Variants in CFAP92 observed in about 807,000 individuals in gnomAD.
CFAP92 encodes cilia and flagella associated protein 92 (putative), also known as uncharacterized protein CFAP92.
CFAP92 carries 86 observed loss-of-function variants against 106.3 expected under a neutral mutation model. The observed-to-expected ratio is 0.81, with a 90% confidence interval of 0.68 to 0.97. The LOEUF is 0.97. Among genes scored for constraint, CFAP92 ranks in the 50% least tolerant of loss-of-function variants. The pLI is 0.00. For synonymous variants in CFAP92, 477 were observed against 506.4 expected (o/e 0.94, Z 0.78); for missense variants, 1,204 against 1,283.8 (o/e 0.94, Z 0.95).
the CFAP92 span, among the ~76,000 whole-genome samples, chr3:129,018,046 A>G: frequency 6.6e-6 from 1 of 152,194 alleles, no homozygotes; most frequent in Non-Finnish European, 1.5e-5. Flanking sequence ...AGTCCTGGCC[A>G]TACAAGAGGG....
chr3:128,923,865 C>T (rs1247296476), intron 12 of CFAP92, among the ~76,000 whole-genome samples: 1 of 152,186 alleles, frequency 6.6e-6, no homozygotes, highest in Non-Finnish European at 1.5e-5. Flanking sequence ...TTTTTGAAGC[C>T]TCTCAGGCTC....
chr3:128,945,873 T>A lies in CFAP92; in HGVS notation c.1456A>T (p.Asn486Tyr). The A allele has an allele frequency of 6.8e-7, 1 of 1,478,692 alleles. No individual in the cohort carries two copies. Among genetic ancestry groups the A allele is most frequent in the Non-Finnish European group, 8.9e-7 (1 of 1,123,206 alleles). The allele number at this position is 1,478,692 out of a possible 1,614,324, so 91.6% of individuals were successfully genotyped here. ...TGCAGTGCCCCAAGGAAGATGACGT[T>A]GATGTCCTGGAAATAAACGTGGGTT... ...HGTHVYFQDI[N>Y]VIFLGALHPS... is the part of the protein sequence containing the mutation. Residue 486 changes from asparagine to tyrosine, a missense_variant, in exon 10 of 16, where the codon AAC (asparagine) becomes TAC (tyrosine). Asn to Tyr is a moderately radical substitution (Grantham distance 143, BLOSUM62 -2). Transcript: ENST00000645291.
the CFAP92 span, among the ~76,000 whole-genome samples, chr3:129,016,726 C>T: frequency 6.6e-6 from 1 of 152,102 alleles, no homozygotes; most frequent in Non-Finnish European, 1.5e-5. Context: ...TCGTACAGGG[C>T]CTGAGGCAGG....
At chr3:128,912,668 T>C (rs1936473838) in intron 15 of CFAP92, 1 of 1,386,728 alleles carries the variant, frequency 7.2e-7, no homozygotes. Context: ...GCTGGATGAC[T>C]GTTACTCTTT....
intron 8 of CFAP92, chr3:128,970,951 G>A (rs972940708): frequency 8.4e-5 from 30 of 358,758 alleles, no homozygotes; most frequent in Non-Finnish European, 1.4e-4. Context: ...GTAAAAATCT[G>A]TAGGAAAGCA....
chr3:128,977,516 A>C (rs1017512267), intron 5 of CFAP92, among the ~76,000 whole-genome samples: 1 of 152,152 alleles, frequency 6.6e-6, no homozygotes, highest in Non-Finnish European at 1.5e-5. Flanking sequence ...TTATACTTTT[A>C]TCTATTCACT....
chr3:128,946,605 C>T (rs373576991), intron 9 of CFAP92, among the ~76,000 whole-genome samples: 9 of 152,324 alleles, frequency 5.9e-5, no homozygotes, highest in South Asian at 4.1e-4. Context: ...GGTCTGAATT[C>T]GTAATCTAAA....
At chr3:129,003,449 G>C (rs1262853537), upstream of CFAP92, 2 of 262,162 alleles carry the variant, frequency 7.6e-6, no homozygotes, top group South Asian at 1.5e-4. Flanking sequence ...ACCGCCACCC[G>C]GCAGGCTGAA....
intron 9 of CFAP92, among the ~76,000 whole-genome samples, chr3:128,953,604 T>TCTCC (rs1941052100): frequency 2.2e-5 from 1 of 45,834 alleles, no homozygotes; most frequent in African/African-American, 7.6e-5. Flanking sequence ...TCCCTCCCCC[T>TCTCC]CTCCCTCTCC....
the CFAP92 span, among the ~76,000 whole-genome samples, chr3:129,021,879 C>A: frequency 6.6e-6 from 1 of 152,136 alleles, no homozygotes; most frequent in Non-Finnish European, 1.5e-5. Context: ...TAGGGCATCA[C>A]ATTAATTTTT....
intron 10 of CFAP92, among the ~76,000 whole-genome samples, chr3:128,943,298 C>A (rs148529359): frequency 6.6e-6 from 1 of 152,252 alleles, no homozygotes; most frequent in East Asian, 1.9e-4. Flanking sequence ...CTATCTAGTT[C>A]TAGAACATCC....
At chr3:128,975,252 A>G (rs1420072850) in intron 7 of CFAP92, among the ~76,000 whole-genome samples, 1 of 152,238 alleles carries the variant, frequency 6.6e-6, no homozygotes, top group Admixed American at 6.5e-5. Context: ...TCTATCACAA[A>G]GAATTGTAAT....
intron 3 of CFAP92, among the ~76,000 whole-genome samples, chr3:128,988,230 T>C (rs1290385500): frequency 1.3e-5 from 2 of 152,130 alleles, no homozygotes; most frequent in Non-Finnish European, 2.9e-5. Flanking sequence ...TTCTGGAAAT[T>C]ACTGGGTAAA....
chr3:129,010,363 C>A, the CFAP92 span, among the ~76,000 whole-genome samples: 1 of 152,222 alleles, frequency 6.6e-6, no homozygotes, highest in Admixed American at 6.5e-5. This position sits in a 1 kb window ranked among gnomAD's most constrained non-coding sequence, Gnocchi z 4.3. Context: ...CAGCCTAGGG[C>A]CAGCACCACT....
rs778027666 is a variant in CFAP92, at chr3:128,971,337, C to T, written c.1118G>A (p.Arg373Lys). ...EEADPTLTGP[R>K]KQSAFSIQLA... ...CTGGATGGAGAAAGCGCTCTGCTTC[C>T]TGGGGCCTGTCAGCGTGGGGTCTGC... The change falls in exon 8 of 16, where the codon AGG becomes AAG. Residue 373 changes from arginine to lysine, a missense_variant. By Grantham distance (26) the Arg-to-Lys change is conservative (BLOSUM62 2). Coordinates refer to ENST00000645291, the MANE Select transcript of CFAP92 (RefSeq NM_001394090.1). The T allele has an allele frequency of 6.2e-7, 1 of 1,613,646 alleles. No individual in the cohort carries two copies. Among genetic ancestry groups the T allele is most frequent in the Non-Finnish European group, 8.5e-7 (1 of 1,179,756 alleles).
At chr3:128,952,136 CTTTT>C (rs35117405) in intron 9 of CFAP92, among the ~76,000 whole-genome samples, 1 of 139,300 alleles carries the variant, frequency 7.2e-6, no homozygotes, top group Admixed American at 7.2e-5. Flanking sequence ...TCTTCTTCTT[CTTTT>C]TTTTTTTTTT....
At chr3:128,912,249 A>G (rs976261153) in intron 15 of CFAP92, among the ~76,000 whole-genome samples, 5 of 152,094 alleles carry the variant, frequency 3.3e-5, no homozygotes, top group African/African-American at 1.2e-4. Flanking sequence ...CTGTTTACGG[A>G]GCAAGTGCCG....
intron 9 of CFAP92, among the ~76,000 whole-genome samples, chr3:128,963,234 A>G (rs967217200): frequency 8.5e-5 from 13 of 152,128 alleles, no homozygotes; most frequent in South Asian, 4.2e-4. Context: ...TTTCCTTCCT[A>G]GGCATGCTTA....
intron 12 of CFAP92, among the ~76,000 whole-genome samples, chr3:128,929,796 A>G (rs1452247701): frequency 6.6e-6 from 1 of 152,236 alleles, no homozygotes; most frequent in Non-Finnish European, 1.5e-5. Flanking sequence ...GTAAACTAGC[A>G]TGAGAATACT....
Sources: gnomAD v4.1 joint callset for allele counts (sites outside exome capture counted in the v4.1 genomes callset) on GRCh38, gnomAD v4.1.1 for gene constraint, Gnocchi (gnomAD v3.1) non-coding constraint, MANE v1.5 for transcripts, NCBI Gene and HGNC (gene_info 2026-07-23, HGNC 2026-07-21) for gene names.